Variants in COPS3 observed in about 807,000 individuals in gnomAD.
COPS3 encodes the protein COP9 signalosome complex subunit 3.
In COPS3, 10 loss-of-function variants were observed where a neutral mutation model predicts 58.2. The ratio of observed to expected loss-of-function variants is 0.17; its 90% confidence interval spans 0.11 to 0.29. The LOEUF is 0.29. Ranked by LOEUF, COPS3 falls within the 10% of genes least tolerant of loss-of-function variation. The probability of loss-of-function intolerance (pLI) is 1.00; values close to 1 mark genes in which losing one functional copy is unlikely to be tolerated. For missense variants in COPS3, 333 were observed against 510.1 expected, an observed-to-expected ratio of 0.65 and a Z score of 3.34; for synonymous variants, 187 against 181.7, an observed-to-expected ratio of 1.03 and a Z score of -0.24.
intron 6 of COPS3, among the ~76,000 whole-genome samples, chr17:17,263,587 C>T (rs2048158158): frequency 6.8e-6 from 1 of 147,658 alleles, no homozygotes; most frequent in Admixed American, 6.9e-5. Flanking sequence ...GATCTCGGCT[C>T]ACTGCAACCT....
At chr17:17,273,654 C>T (rs1597700136) in intron 2 of COPS3, among the ~76,000 whole-genome samples, 1 of 152,096 alleles carries the variant, frequency 6.6e-6, no homozygotes, top group East Asian at 1.9e-4. Context: ...AGTTCAAGAC[C>T]AGCCTGGGAA....
At chr17:17,266,642 T>C (rs1030601565) in intron 5 of COPS3, among the ~76,000 whole-genome samples, 1 of 151,386 alleles carries the variant, frequency 6.6e-6, no homozygotes, top group South Asian at 2.1e-4. Context: ...CTACTAAAAA[T>C]ACAAAAATTA....
At chr17:17,255,135 A>C (rs1440500739) in intron 8 of COPS3, 190 bp from the exon 9 acceptor site, 4 of 446,050 alleles carry the variant, frequency 9.0e-6, no homozygotes, top group Non-Finnish European at 1.6e-5. Flanking sequence ...CCCTGTCTCT[A>C]CTAAAAATAC....
chr17:17,276,480 A>C (rs758926290), intron 1 of COPS3, among the ~76,000 whole-genome samples: 5 of 151,986 alleles, frequency 3.3e-5, no homozygotes, highest in Non-Finnish European at 5.9e-5. Context: ...CAAATGATTT[A>C]GTTTTACTTC....
At chr17:17,274,451 C>G (rs1039601629) in intron 2 of COPS3, among the ~76,000 whole-genome samples, 7 of 66,804 alleles carry the variant, frequency 1.0e-4, no homozygotes, top group African/African-American at 3.3e-4. Flanking sequence ...GAGACAGAGT[C>G]TCACACTCTG....
chr17:17,273,315 T>C (rs1409136052), intron 2 of COPS3, among the ~76,000 whole-genome samples: 1 of 152,240 alleles, frequency 6.6e-6, no homozygotes, highest in Non-Finnish European at 1.5e-5. Context: ...GCACTTGCCA[T>C]GTTTCAAGTA....
chr17:17,266,382 G>A (rs529770513), intron 5 of COPS3, among the ~76,000 whole-genome samples: 1 of 152,282 alleles, frequency 6.6e-6, no homozygotes, highest in African/African-American at 2.4e-5. Context: ...AAGGATACAC[G>A]AGAAATAACT....
In COPS3 at chr17:17,263,741, C is replaced by T. The variant is rs376761700; in HGVS notation, c.621+1061G>A. Among the ~76,000 whole-genome samples, 22 of 141,006 alleles carry T rather than the reference C, an allele frequency of 1.6e-4. No individual in the cohort carries two copies. In the East Asian group the frequency reaches 4.3e-3, roughly 28 times the overall value. 92.5% of individuals were successfully genotyped at this position (141,006 alleles called of 152,430 possible). A position where few individuals can be genotyped will look rare whatever the true frequency, so the allele number is the denominator to read the frequency against. On this transcript the variant is annotated intron_variant, in intron 6 of 11. Coordinates refer to ENST00000268717, the MANE Select transcript of COPS3 (RefSeq NM_003653.4). ...GTTGGTCAGGCTGGTCTCGAACTCC[C>T]GACCTCAGGTGATCCGCCGGCCTCG...
rs777454485 is a variant in COPS3 at position 17,260,423 on chromosome 17, G to A, written c.814C>T (p.Pro272Ser). Residue 272 changes from proline (P) to serine (S), a missense_variant, in exon 8 of 12, where the codon CCC becomes TCC. Pro to Ser is a moderately conservative substitution (Grantham distance 74, BLOSUM62 -1). Transcript: ENST00000268717. ...ELAQVYSTNN[P>S]SELRNLVNKH... ...TTCACCAGGTTTCGGAGTTCTGAGG[G>A]GTTGTTGGTTGAATACACTTGTGCT... The A allele has an allele frequency of 3.7e-6, 6 of 1,614,030 alleles. No individual in the cohort carries two copies. The highest frequency in any genetic ancestry group is 4.2e-6 in the Non-Finnish European group (5 of 1,180,030).
chr17:17,272,492 G>A (rs2145249750), intron 2 of COPS3, among the ~76,000 whole-genome samples: 1 of 152,190 alleles, frequency 6.6e-6, no homozygotes, highest in East Asian at 1.9e-4. Flanking sequence ...TCTCAATTGT[G>A]GGGACTATAG....
At chr17:17,250,264 T>C (rs539987207) in intron 9 of COPS3, among the ~76,000 whole-genome samples, 1 of 151,002 alleles carries the variant, frequency 6.6e-6, no homozygotes, top group East Asian at 1.9e-4. Flanking sequence ...CTTTTTTTTT[T>C]TTTTTTTTGA....
chr17:17,263,059 C>T (rs374224656), intron 6 of COPS3, among the ~76,000 whole-genome samples: 27 of 151,620 alleles, frequency 1.8e-4, no homozygotes, highest in East Asian at 1.6e-3. Context: ...GAGGCCGAGG[C>T]GGGCGGATCA....
chr17:17,254,496 T>G (rs2047918662), intron 9 of COPS3, among the ~76,000 whole-genome samples: 1 of 151,978 alleles, frequency 6.6e-6, no homozygotes, highest in Non-Finnish European at 1.5e-5. Flanking sequence ...GTAACAAAAA[T>G]CCAGTAATTA....
In COPS3 at chr17:17,247,175, G is replaced by A. The variant is rs760114101; in HGVS notation, c.1219-24C>T. On this transcript the variant is annotated intron_variant, in intron 11 of 11. Transcript: ENST00000268717. ...CTCTGTAAAGGTAAAGTGAAGTTAT[G>A]TATTTATGTTTGCTTTTATCAAGGG... is the stretch of plus-strand genomic sequence containing the variant. The A allele has an allele frequency of 7.5e-6, 12 of 1,609,390 alleles. No homozygotes were observed. The Admixed American group carries it at 1.3e-4, about 18-fold the overall frequency.
At chr17:17,277,415 G>GTTTGT (rs765848096) in intron 1 of COPS3, among the ~76,000 whole-genome samples, 18 of 152,098 alleles carry the variant, frequency 1.2e-4, no homozygotes, top group South Asian at 2.1e-4. Flanking sequence ...GCAATACTAT[G>GTTTGT]TTTGTTTTGT....
Position 17,248,929 on chromosome 17 carries a change from C to A in COPS3, c.1134G>T (p.Gln378His). ...NNPAMLHNID[Q>H]EMLKCIELDE... is the part of the protein sequence containing the mutation. The stretch of plus-strand genomic sequence containing the variant: ...AAAACCTGGCATTCATGTTTACCTC[C>A]TGATCAATGTTATGAAGCATGGCTG... Residue 378 changes from glutamine (Q) to histidine (H), a missense_variant, in exon 10 of 12, where the codon CAG becomes CAT. Coordinates refer to ENST00000268717, the MANE Select transcript of COPS3 (RefSeq NM_003653.4). 6.4e-7 allele frequency: 1 copy of A among 1,560,410 alleles called. No homozygotes were observed. Among genetic ancestry groups the A allele is most frequent in the Admixed American group, 1.9e-5 (1 of 51,826 alleles).
Position 17,276,245 on chromosome 17 carries a change from T to C in COPS3, c.56-81A>G, listed in dbSNP as rs970807578. ...GGAACTCTAACCACAACTTTGTACT[T>C]CAGAGCCTGAAGTTCCCAAAATTGA... On this transcript the variant is annotated intron_variant, in intron 1 of 11. Transcript: ENST00000268717. 1.3e-5 allele frequency: 21 copies of C among 1,565,746 alleles called. No individual in the cohort carries two copies. In the African/African-American group the frequency reaches 2.7e-4, roughly 20 times the overall value.
intron 4 of COPS3, 181 bp from the exon 5 acceptor site, chr17:17,268,158 C>G: frequency 1.1e-6 from 1 of 877,130 alleles, no homozygotes; most frequent in Non-Finnish European, 1.6e-6. Flanking sequence ...TTTTCTTAAG[C>G]TGTTTCTTGG....
chr17:17,268,912 A>G, intron 4 of COPS3, among the ~76,000 whole-genome samples: 1 of 152,138 alleles, frequency 6.6e-6, no homozygotes, highest in East Asian at 1.9e-4. Context: ...CTTTTTCAAA[A>G]ACTCATGATT....
Sources: gnomAD v4.1 joint callset for allele counts (sites outside exome capture counted in the v4.1 genomes callset) on GRCh38, gnomAD v4.1.1 for gene constraint, MANE v1.5 for transcripts, NCBI Gene and HGNC (gene_info 2026-07-23, HGNC 2026-07-21) for gene names.